The following ARHGAP15 variants were observed in gnomAD, a reference collection of about 807,000 sequenced individuals.
ARHGAP15 encodes Rho GTPase activating protein 15.
In ARHGAP15, 51 loss-of-function variants were observed where a neutral mutation model predicts 63.7. The observed-to-expected ratio is 0.80, with a 90% CI of 0.64 to 1.01. ARHGAP15 has a LOEUF of 1.01. ARHGAP15 is among the 50% of genes least tolerant of loss of function. The pLI is 0.00. For synonymous variants in ARHGAP15, 191 were observed against 193.8 expected (o/e 0.99, Z 0.12); for missense variants, 560 against 564.6 (o/e 0.99, Z 0.08).
intron 13 of ARHGAP15, among the ~76,000 whole-genome samples, chr2:143,759,247 A>C (rs1447482223): frequency 6.6e-6 from 1 of 152,146 alleles, no homozygotes; most frequent in African/African-American, 2.4e-5. Context: ...TGCCTAAAAA[A>C]ATACTCCAAA....
At chr2:143,485,415 A>C (rs572299109) in intron 8 of ARHGAP15, among the ~76,000 whole-genome samples, 1 of 152,332 alleles carries the variant, frequency 6.6e-6, no homozygotes, top group South Asian at 2.1e-4. Flanking sequence ...TAGATGGTAG[A>C]TATGTATGAG....
At chr2:143,223,406 T>A (rs1218675260) in intron 4 of ARHGAP15, among the ~76,000 whole-genome samples, 1 of 152,216 alleles carries the variant, frequency 6.6e-6, no homozygotes, top group East Asian at 1.9e-4. Flanking sequence ...CACTTTGGAC[T>A]GTCTTACTAA....
At chr2:143,515,741 C>T (rs1693785792) in intron 9 of ARHGAP15, among the ~76,000 whole-genome samples, 1 of 152,092 alleles carries the variant, frequency 6.6e-6, no homozygotes, top group African/African-American at 2.4e-5. Flanking sequence ...CTTCTAAAAA[C>T]AAGAAAGAAG....
At chr2:143,467,106 TAC>T (rs941923773) in intron 8 of ARHGAP15, among the ~76,000 whole-genome samples, 1 of 152,110 alleles carries the variant, frequency 6.6e-6, no homozygotes, top group African/African-American at 2.4e-5. Context: ...ACTCTTGCTA[TAC>T]TCTTAAGCAT....
At chr2:143,234,785 G>A (rs1693577118) in intron 5 of ARHGAP15, among the ~76,000 whole-genome samples, 1 of 152,106 alleles carries the variant, frequency 6.6e-6, no homozygotes, top group Non-Finnish European at 1.5e-5. Flanking sequence ...GCTCAAATGT[G>A]TAGTATAAAC....
At chr2:143,346,216 TCTCTCACACACA>T (rs1387344325) in intron 6 of ARHGAP15, among the ~76,000 whole-genome samples, 2 of 127,960 alleles carry the variant, frequency 1.6e-5, no homozygotes, top group African/African-American at 6.7e-5. Flanking sequence ...ACACACACTC[TCTCTCACACACA>T]CTCTCTCTCA....
Position 143,519,287 on chromosome 2 carries a change from T to C in ARHGAP15, c.848T>C (p.Leu283Pro), listed in dbSNP as rs1347006390. 2.5e-6 allele frequency: 4 copies of C among 1,613,064 alleles called. No individual in the cohort carries two copies. The highest frequency in any genetic ancestry group is 3.4e-6 in the Non-Finnish European group (4 of 1,179,292). Reference protein sequence around the residue: ...LIKDQIFGSHLHKVCERENST... With the variant: ...LIKDQIFGSHPHKVCERENST... ...GCAGATCAAATTTTTGGCTCTCATC[T>C]GCACAAAGTGTGTGAACGTGAAAAT... The change falls in exon 10 of 14, where the codon CTG becomes CCG. Residue 283 changes from leucine (L) to proline (P), a missense_variant. By Grantham distance (98) the Leu-to-Pro change is moderately conservative. Transcript: ENST00000295095.
chr2:143,271,953 A>G (rs1018351550), intron 6 of ARHGAP15, among the ~76,000 whole-genome samples: 3 of 152,252 alleles, frequency 2.0e-5, no homozygotes, highest in African/African-American at 7.2e-5. Flanking sequence ...CAGTTTGTGG[A>G]ATTTCAAACA....
intron 6 of ARHGAP15, among the ~76,000 whole-genome samples, chr2:143,410,663 A>C (rs181658254): frequency 1.6e-4 from 25 of 151,544 alleles, no homozygotes; most frequent in African/African-American, 5.6e-4. Flanking sequence ...TGAGACTGGA[A>C]ATGGGCAGAA....
chr2:143,440,796 G>C (rs1163380256), intron 8 of ARHGAP15, among the ~76,000 whole-genome samples: 1 of 152,148 alleles, frequency 6.6e-6, no homozygotes, highest in Non-Finnish European at 1.5e-5. Flanking sequence ...ACACCAGCCT[G>C]GGATGAGAGT....
intron 6 of ARHGAP15, among the ~76,000 whole-genome samples, chr2:143,387,942 TAC>T (rs146943367): frequency 2.6e-5 from 4 of 151,256 alleles, no homozygotes; most frequent in African/African-American, 9.7e-5. Context: ...TGCATGCACA[TAC>T]ACACACAAGC....
At chr2:143,437,336 G>T (rs372590331) in intron 8 of ARHGAP15, 3 of 277,076 alleles carry the variant, frequency 1.1e-5, no homozygotes, top group African/African-American at 2.3e-5. Context: ...GATTTTGAGA[G>T]TGGGAAATGT....
intron 9 of ARHGAP15, among the ~76,000 whole-genome samples, chr2:143,501,665 A>G (rs1302812788): frequency 2.0e-5 from 3 of 152,232 alleles, no homozygotes; most frequent in Non-Finnish European, 4.4e-5. Context: ...TATTTGTAGT[A>G]CGAGTAAATA....
chr2:143,184,407 C>T (rs139168213), intron 2 of ARHGAP15, among the ~76,000 whole-genome samples: 1 of 152,298 alleles, frequency 6.6e-6, no homozygotes, highest in Non-Finnish European at 1.5e-5. Context: ...CCTTTATCCA[C>T]ATTTCCATCT....
intron 9 of ARHGAP15, among the ~76,000 whole-genome samples, chr2:143,493,183 C>T (rs778168329): frequency 2.0e-5 from 3 of 152,144 alleles, no homozygotes; most frequent in Non-Finnish European, 4.4e-5. Flanking sequence ...TCACAACTCC[C>T]GTGACTCTCA....
intron 6 of ARHGAP15, among the ~76,000 whole-genome samples, chr2:143,357,833 A>G (rs1216377693): frequency 6.6e-6 from 1 of 152,226 alleles, no homozygotes; most frequent in Non-Finnish European, 1.5e-5. Flanking sequence ...AGGGAAAAAC[A>G]TGCTGTGAAT....
chr2:143,732,512 C>T (rs891856954), intron 13 of ARHGAP15, among the ~76,000 whole-genome samples: 2 of 151,966 alleles, frequency 1.3e-5, no homozygotes, highest in South Asian at 2.1e-4. Context: ...AGTTCAGAAA[C>T]GTTTACTGAC....
At chr2:143,598,928 G>T (rs969074118) in intron 11 of ARHGAP15, among the ~76,000 whole-genome samples, 13 of 147,426 alleles carry the variant, frequency 8.8e-5, no homozygotes, top group South Asian at 2.2e-4. Flanking sequence ...AAATAAGTTG[G>T]TTTTTTTTTT....
At chr2:143,757,761 C>T (rs1559163441) in intron 13 of ARHGAP15, among the ~76,000 whole-genome samples, 1 of 151,964 alleles carries the variant, frequency 6.6e-6, no homozygotes, top group Non-Finnish European at 1.5e-5. Context: ...AGATGATATG[C>T]TTTTAAAATC....
Sources: allele counts gnomAD v4.1 joint callset (sites outside exome capture counted in the v4.1 genomes callset), GRCh38; gene constraint gnomAD v4.1.1; transcripts MANE v1.5; gene names NCBI Gene and HGNC (gene_info 2026-07-23, HGNC 2026-07-21).